ZMIZ1: variants seen among roughly 807,000 people sequenced by gnomAD.
ZMIZ1 encodes the protein zinc finger MIZ domain-containing protein 1.
A neutral mutation model predicts 113.9 loss-of-function variants in ZMIZ1; 17 were observed. The observed-to-expected ratio is 0.15, with a 90% confidence interval of 0.10 to 0.22. The LOEUF (loss-of-function observed/expected upper bound fraction) is 0.22. Ranked by LOEUF, ZMIZ1 falls within the 10% of genes least tolerant of loss-of-function variation. The pLI is 1.00. For missense variants in ZMIZ1, 1,059 were observed against 1,477.8 expected, an observed-to-expected ratio of 0.72 and a Z score of 4.65; for synonymous variants, 607 against 603.1, an observed-to-expected ratio of 1.01 and a Z score of -0.09.
chr10:79,180,165 G>T (rs939716330), intron 4 of ZMIZ1, among the ~76,000 whole-genome samples: 1 of 152,202 alleles, frequency 6.6e-6, no homozygotes, highest in Non-Finnish European at 1.5e-5. Context: ...CCTGATCAGG[G>T]ACAGCCCTCA....
At chr10:79,165,528 T>C (rs1460900506) in intron 4 of ZMIZ1, among the ~76,000 whole-genome samples, 2 of 152,144 alleles carry the variant, frequency 1.3e-5, no homozygotes, top group Non-Finnish European at 2.9e-5. Context: ...GACGTGAGGC[T>C]GTGTGAATAT....
chr10:79,280,791 G>A (rs1852685350), intron 8 of ZMIZ1, among the ~76,000 whole-genome samples: 1 of 151,806 alleles, frequency 6.6e-6, no homozygotes, highest in Non-Finnish European at 1.5e-5. Flanking sequence ...GCTCTAAAAA[G>A]ACAAAACCTG....
chr10:79,126,354 A>C (rs1003045453), intron 2 of ZMIZ1, among the ~76,000 whole-genome samples: 2 of 152,150 alleles, frequency 1.3e-5, no homozygotes, highest in Non-Finnish European at 2.9e-5. Context: ...CAGCAGGCTC[A>C]ACCATCTGGG....
intron 1 of ZMIZ1, among the ~76,000 whole-genome samples, chr10:79,073,753 T>C (rs998320328): frequency 5.3e-5 from 8 of 151,844 alleles, no homozygotes; most frequent in African/African-American, 1.9e-4. Flanking sequence ...TCATCTGCCT[T>C]TGTGTGCCAG....
At chr10:79,113,724 ATGACT>A (rs896999955) in intron 1 of ZMIZ1, among the ~76,000 whole-genome samples, 4 of 152,084 alleles carry the variant, frequency 2.6e-5, no homozygotes, top group African/African-American at 7.2e-5. Context: ...TTACACAAGA[ATGACT>A]TTTTTGGTGA....
chr10:79,075,242 C>T lies in ZMIZ1; in HGVS notation c.-337+5972C>T, dbSNP rs181065309. 3.4e-4 allele frequency among the ~76,000 whole-genome samples: 52 copies of T among 152,274 alleles called. 1 individual carries two copies. The East Asian group carries it at 7.9e-3, about 23-fold the overall frequency. ...GCAGACTGTCAGAGTGGACATAGCC[C>T]TTTGAGATCACCCAGCTCAAACCCT... On this transcript the variant is annotated intron_variant, in intron 1 of 24. Coordinates refer to ENST00000334512, the MANE Select transcript of ZMIZ1 (RefSeq NM_020338.4).
At chr10:79,224,380 G>A (rs1849116849) in intron 7 of ZMIZ1, among the ~76,000 whole-genome samples, 1 of 152,176 alleles carries the variant, frequency 6.6e-6, no homozygotes, top group Non-Finnish European at 1.5e-5. Context: ...GAGAAGGAGA[G>A]CCGGCAGCTC....
chr10:79,107,777 A>C (rs527428839), intron 1 of ZMIZ1, among the ~76,000 whole-genome samples: 2 of 152,300 alleles, frequency 1.3e-5, no homozygotes, highest in African/African-American at 2.4e-5. Flanking sequence ...GATGGCACTC[A>C]TGCCTACCGC....
chr10:79,185,569 A>G (rs960446587), intron 4 of ZMIZ1, among the ~76,000 whole-genome samples: 1 of 152,106 alleles, frequency 6.6e-6, no homozygotes, highest in Non-Finnish European at 1.5e-5. Flanking sequence ...ATATTTGGAA[A>G]GCAGAGGGTC....
At chr10:79,105,043 C>T (rs1843506670) in intron 1 of ZMIZ1, among the ~76,000 whole-genome samples, 1 of 151,040 alleles carries the variant, frequency 6.6e-6, no homozygotes, top group East Asian at 2.0e-4. Flanking sequence ...AGGAAAATAG[C>T]AGATGCTAGA....
intron 1 of ZMIZ1, among the ~76,000 whole-genome samples, chr10:79,087,298 A>T (rs143002257): frequency 9.2e-5 from 14 of 152,338 alleles, no homozygotes; most frequent in Non-Finnish European, 2.1e-4. Flanking sequence ...TCTAATTCTC[A>T]TAAAGCCACC....
In ZMIZ1 at chr10:79,291,137, G is replaced by A. The variant is rs779167940; in HGVS notation, c.719G>A (p.Gly240Asp). The change falls in exon 10 of 25, where the codon GGC becomes GAC. Residue 240 changes from glycine to aspartate, a missense_variant. Gly to Asp is a moderately conservative substitution (Grantham distance 94). Around this residue, in one of 6 missense-constraint regions of ZMIZ1, gnomAD observed 272 missense variants for 350.4 expected, o/e 0.78. Transcript: ENST00000334512. ...AQPYIQQSMY[G>D]RPNYPGSGGF... Reference sequence around the variant, plus strand: ...CCCTACATCCAGCAGAGCATGTATGGCCGGCCCAACTACCCCGGCAGCGGG... The same window carrying A: ...CCCTACATCCAGCAGAGCATGTATGACCGGCCCAACTACCCCGGCAGCGGG... 6.2e-7 allele frequency: 1 copy of A among 1,612,988 alleles called. No individual in the cohort carries two copies. Among genetic ancestry groups the A allele is most frequent in the African/African-American group, 1.3e-5 (1 of 74,936 alleles).
intron 2 of ZMIZ1, among the ~76,000 whole-genome samples, chr10:79,131,912 G>C (rs117753781): frequency 1.3e-5 from 2 of 152,216 alleles, no homozygotes; most frequent in Admixed American, 6.5e-5. Context: ...TTCAGAGCGC[G>C]TTCCTGAGAG....
rs778445582 is a variant in ZMIZ1 at position 79,297,595 on chromosome 10, T to A, written c.1414-18T>A. 1 of 1,612,408 alleles carries A rather than the reference T, an allele frequency of 6.2e-7. No homozygotes were observed. Among genetic ancestry groups the A allele is most frequent in the East Asian group, 2.2e-5 (1 of 44,870 alleles). On this transcript the variant is annotated intron_variant, in intron 13 of 24. Transcript: ENST00000334512. ...CTTTTCTGCCCCCCACTCAGTGTTG[T>A]TTATCTTGTTTTAATAGCCAGAACA...
In ZMIZ1 at chr10:79,294,943, G is replaced by GC. The variant is rs1491182752; in HGVS notation, c.1230+1290_1230+1291insC. On this transcript the variant is annotated intron_variant, in intron 12 of 24. Coordinates refer to ENST00000334512, the MANE Select transcript of ZMIZ1 (RefSeq NM_020338.4). Reference sequence around the variant, plus strand: ...TTCTGAGTTCAGGAGGGGAGAGAGAGGGGGGGGGGTCAGGGGCTTCCTCAT... The same window carrying GC: ...TTCTGAGTTCAGGAGGGGAGAGAGAGCGGGGGGGGGTCAGGGGCTTCCTCAT... 1.1e-4 allele frequency: 7 copies of GC among 63,878 alleles called. No homozygotes were observed. In the South Asian group the frequency reaches 2.7e-3, roughly 25 times the overall value. The allele number at this position is 63,878 out of a possible 1,614,324, so 4.0% of individuals were successfully genotyped here. A position where few individuals can be genotyped will look rare whatever the true frequency, so the allele number is the denominator to read the frequency against.
At chr10:79,207,129 G>A (rs962732970) in intron 5 of ZMIZ1, among the ~76,000 whole-genome samples, 1 of 152,174 alleles carries the variant, frequency 6.6e-6, no homozygotes, top group Non-Finnish European at 1.5e-5. Flanking sequence ...GCCAATTCTG[G>A]GCCCTGCGGC....
At chr10:79,294,677 T>G (rs1004154624) in intron 12 of ZMIZ1, 16 of 152,256 alleles carry the variant, frequency 1.1e-4, no homozygotes, top group African/African-American at 3.9e-4. Flanking sequence ...CCCTGGTTGC[T>G]CCCCACGACC....
At chr10:79,093,958 A>G (rs913674705) in intron 1 of ZMIZ1, among the ~76,000 whole-genome samples, 3 of 152,202 alleles carry the variant, frequency 2.0e-5, no homozygotes, top group African/African-American at 4.8e-5. Flanking sequence ...GAAGAAGCCA[A>G]TTTGCATTTT....
intron 3 of ZMIZ1, 57 bp from the exon 4 acceptor site, chr10:79,161,996 G>T (rs971473301): frequency 1.8e-5 from 7 of 398,892 alleles, no homozygotes; most frequent in Admixed American, 4.4e-5. Flanking sequence ...GTGGCCTCAT[G>T]GTCAGTGCCG....
Sources: allele counts gnomAD v4.1 joint callset (sites outside exome capture counted in the v4.1 genomes callset), GRCh38; gene constraint gnomAD v4.1.1; regional missense constraint gnomAD v4.1.1; transcripts MANE v1.5; gene names NCBI Gene and HGNC (gene_info 2026-07-23, HGNC 2026-07-21).